TASOR2: variants seen among roughly 807,000 people sequenced by gnomAD.
The protein encoded by TASOR2 is protein TASOR 2.
A neutral mutation model predicts 199.5 loss-of-function variants in TASOR2; 84 were observed. That is an observed-to-expected ratio of 0.42 (90% CI 0.35 to 0.50). The LOEUF (loss-of-function observed/expected upper bound fraction) is 0.50, where lower values mean the gene tolerates loss of function less well. Among genes scored for constraint, TASOR2 ranks in the 20% least tolerant of loss-of-function variants. The pLI is 0.02. For synonymous variants in TASOR2, 1,103 were observed against 1,046.6 expected (o/e 1.05, Z -1.04); for missense variants, 2,796 against 2,835.9 (o/e 0.99, Z 0.32).
chr10:5,748,542 C>G lies in TASOR2; in HGVS notation c.5121C>G (p.Thr1707=). The change falls in exon 15 of 21, where the codon ACC becomes ACG. Residue 1707 remains threonine, a synonymous_variant. Coordinates refer to ENST00000328090, the Ensembl canonical transcript of TASOR2. The surrounding 1 kb of genome is among the most constrained non-coding windows in gnomAD (Gnocchi z 5.1). ...CTGAAGCTGAGTTACATAAAGAAACCACAGGTCCAGGCACTGCTGGCCCTC... is the reference window on the plus strand; with the variant it reads ...CTGAAGCTGAGTTACATAAAGAAACGACAGGTCCAGGCACTGCTGGCCCTC... The G allele has an allele frequency of 6.2e-7, 1 of 1,613,478 alleles. No homozygotes were observed. Among genetic ancestry groups the G allele is most frequent in the Admixed American group, 1.7e-5 (1 of 60,028 alleles).
In TASOR2 at chr10:5,720,442, C is replaced by G. The variant is rs10752093; in HGVS notation, c.-99-102C>G. 1,423,139 of 1,423,510 alleles carry G rather than the reference C, an allele frequency of 1. 711,384 individuals are homozygous for G. Among genetic ancestry groups the G allele is most frequent in the East Asian group, 1 (39,804 of 39,804 alleles). The allele number at this position is 1,423,510 out of a possible 1,614,324, so 88.2% of individuals were successfully genotyped here. A position where few individuals can be genotyped will look rare whatever the true frequency, so the allele number is the denominator to read the frequency against. ...AGTAACACCCAAGATATATTTCTGA[C>G]TCTAATGTGTTAAATTTCAGGGCTC... On this transcript the variant is annotated intron_variant, in intron 3 of 20. Transcript: ENST00000328090. This position sits in a 1 kb window ranked among gnomAD's most constrained non-coding sequence, Gnocchi z 5.3.
intron 10 of TASOR2, among the ~76,000 whole-genome samples, chr10:5,728,856 T>C (rs1834403349): frequency 6.6e-6 from 1 of 152,174 alleles, no homozygotes; most frequent in African/African-American, 2.4e-5. Flanking sequence ...GTTGAACTTG[T>C]TCAGGGTCTA....
In TASOR2 at chr10:5,762,601, T is replaced by C. The variant is rs200606166; in HGVS notation, c.7244T>C (p.Ile2415Thr). The stretch of plus-strand genomic sequence containing the variant: ...CTTGTTACAGATGTAAATAACTTTA[T>C]AGAAAACATAGAAAAAATAGCAGCT... Residue 2415 changes from isoleucine to threonine, a missense_variant, in exon 20 of 21, where the codon ATA (isoleucine) becomes ACA (threonine). By Grantham distance (89) the Ile-to-Thr change is moderately conservative (BLOSUM62 -1). Transcript: ENST00000328090. The C allele has an allele frequency of 1.1e-4, 168 of 1,490,104 alleles. No individual in the cohort carries two copies. Among genetic ancestry groups the C allele is most frequent in the Non-Finnish European group, 1.3e-4 (143 of 1,092,954 alleles). The allele number at this position is 1,490,104 out of a possible 1,614,324, so 92.3% of individuals were successfully genotyped here.
rs906291107 is a variant in TASOR2 at position 5,689,557 on chromosome 10, G to T, written c.-288+4382G>T. ...AGAGGTTGCAGTGAGCAGAGATCAC[G>T]CCACTGCACTCCAGCCTGGGCGACA... On this transcript the variant is annotated intron_variant, in intron 1 of 20. Transcript: ENST00000328090. The surrounding 1 kb of genome is among the most constrained non-coding windows in gnomAD (Gnocchi z 4.1). 6.6e-6 allele frequency among the ~76,000 whole-genome samples: 1 copy of T among 151,988 alleles called. No homozygotes were observed. The highest frequency in any genetic ancestry group is 1.5e-5 in the Non-Finnish European group (1 of 67,970).
At chr10:5,724,405 A>G in intron 7 of TASOR2, 25 bp from the exon 9 acceptor site, 1 of 1,256,038 alleles carries the variant, frequency 8.0e-7, no homozygotes, top group East Asian at 2.8e-5. Context: ...AAAAATAAGA[A>G]ATGTTTTTCT....
chr10:5,740,406 ACT>A lies in TASOR2; in HGVS notation c.2237_2238del (p.Thr746IlefsTer4). 6.2e-7 allele frequency: 1 copy of A among 1,614,216 alleles called. No individual in the cohort carries two copies. The highest frequency in any genetic ancestry group is 1.1e-5 in the South Asian group (1 of 91,086). ...TAGCTGTGATGACTCCGTTAAGATCACTTTCAAATGTGAAACAGAATATGCAT... is the reference window on the plus strand; with the variant it reads ...TAGCTGTGATGACTCCGTTAAGATCATTCAAATGTGAAACAGAATATGCAT... On this transcript the variant is annotated frameshift_variant, in exon 13 of 21. Transcript: ENST00000328090. LOFTEE classifies it high-confidence loss of function. This position sits in a 1 kb window ranked among gnomAD's most constrained non-coding sequence, Gnocchi z 5.3.
intron 18 of TASOR2, 151 bp downstream of exon 19, chr10:5,759,143 A>G: frequency 1.6e-6 from 1 of 619,088 alleles, no homozygotes; most frequent in Non-Finnish European, 2.9e-6. Flanking sequence ...CAATGAAGGA[A>G]GCTATGTGCT....
At chr10:5,763,297 GCTT>G (rs1439260266) in exon 21 of TASOR2, 3 of 357,674 alleles carry the variant, frequency 8.4e-6, no homozygotes, top group African/African-American at 2.1e-5. Context: ...AAGCTATTGA[GCTT>G]ATTAAAAATA....
In TASOR2 at chr10:5,701,670, T is replaced by C. The variant is rs778098425; in HGVS notation, c.-287-11153T>C. Among the ~76,000 whole-genome samples the C allele has an allele frequency of 5.3e-5, 8 of 152,220 alleles. No individual in the cohort carries two copies. Among genetic ancestry groups the C allele is most frequent in the South Asian group, 2.1e-4 (1 of 4,836 alleles). ...TTTATAGTTTTTCTTGTATAGATCT[T>C]TCACTTCTTTGGCTAAATTGATTCC... On this transcript the variant is annotated intron_variant, in intron 1 of 20. Coordinates refer to ENST00000328090, the Ensembl canonical transcript of TASOR2. The surrounding 1 kb of genome is among the most constrained non-coding windows in gnomAD (Gnocchi z 4.9).
At chr10:5,716,073 C>T (rs374924601) in intron 2 of TASOR2, among the ~76,000 whole-genome samples, 5 of 152,172 alleles carry the variant, frequency 3.3e-5, no homozygotes, top group South Asian at 2.1e-4. Flanking sequence ...GGTTACTGTA[C>T]GGAATACTTC....
chr10:5,710,468 T>C lies in TASOR2; in HGVS notation c.-287-2355T>C, dbSNP rs891101966. On this transcript the variant is annotated intron_variant, in intron 1 of 20. Transcript: ENST00000328090. The surrounding 1 kb of genome is among the most constrained non-coding windows in gnomAD (Gnocchi z 4.6). Reference sequence around the variant, plus strand: ...TAATTTGGTACTTGTTCCTCCTCCTTCGTTTTAAATCATTGGCTTTATTTA... The same window carrying C: ...TAATTTGGTACTTGTTCCTCCTCCTCCGTTTTAAATCATTGGCTTTATTTA... Among the ~76,000 whole-genome samples, 2 of 152,088 alleles carry C rather than the reference T, an allele frequency of 1.3e-5. No homozygotes were observed. Among genetic ancestry groups the C allele is most frequent in the Non-Finnish European group, 2.9e-5 (2 of 67,932 alleles).
At chr10:5,729,103 C>A (rs1249640638) in intron 10 of TASOR2, among the ~76,000 whole-genome samples, 1 of 152,194 alleles carries the variant, frequency 6.6e-6, no homozygotes, top group Non-Finnish European at 1.5e-5. Context: ...AATCCCAGCA[C>A]TTTGGGAGGC....
In TASOR2 at chr10:5,752,083, C is replaced by G. The variant is rs7921582; in HGVS notation, c.6606+2056C>G. 1.3e-5 allele frequency among the ~76,000 whole-genome samples: 2 copies of G among 152,042 alleles called. No homozygotes were observed. Among genetic ancestry groups the G allele is most frequent in the East Asian group, 3.9e-4 (2 of 5,174 alleles). On this transcript the variant is annotated intron_variant, in intron 15 of 20. Transcript: ENST00000328090. The surrounding 1 kb of genome is among the most constrained non-coding windows in gnomAD (Gnocchi z 4.4). ...CTCCCGAAACTCCCTGACCTGAGCGCGGGCCAGCTGCCCTCCCCCTACCCT... is the reference window on the plus strand; with the variant it reads ...CTCCCGAAACTCCCTGACCTGAGCGGGGGCCAGCTGCCCTCCCCCTACCCT...
chr10:5,714,579 A>G (rs777343073), intron 2 of TASOR2: 5 of 160,054 alleles, frequency 3.1e-5, no homozygotes, highest in African/African-American at 9.5e-5. Flanking sequence ...AAAGAGGTAC[A>G]TAAGAAGAGA....
At position 5,687,508 on chromosome 10, in the gene TASOR2, C is replaced by T. The variant is rs968283932; in HGVS notation, c.-288+2333C>T. Among the ~76,000 whole-genome samples, 12 of 152,204 alleles carry T rather than the reference C, an allele frequency of 7.9e-5. No individual in the cohort carries two copies. Among genetic ancestry groups the T allele is most frequent in the African/African-American group, 2.9e-4 (12 of 41,454 alleles). On this transcript the variant is annotated intron_variant, in intron 1 of 20. Coordinates refer to ENST00000328090, the Ensembl canonical transcript of TASOR2. The surrounding 1 kb of genome is among the most constrained non-coding windows in gnomAD (Gnocchi z 4.8). Reference sequence around the variant, plus strand: ...AATTTAGAAACTTTATTCCCAGGACCCCTCTACACTTTTTAAGAACCATTG... The same window carrying T: ...AATTTAGAAACTTTATTCCCAGGACTCCTCTACACTTTTTAAGAACCATTG...
rs1051008001 is a variant in TASOR2 at position 5,699,421 on chromosome 10, G to A, written c.-287-13402G>A. 6.6e-6 allele frequency: 1 copy of A among 152,114 alleles called. No individual in the cohort carries two copies. Among genetic ancestry groups the A allele is most frequent in the Admixed American group, 6.5e-5 (1 of 15,270 alleles). 9.4% of individuals were successfully genotyped at this position (152,114 alleles called of 1,614,324 possible). ...GTGGTGAAGGTTGCACAATTCTGTG[G>A]ATATACTAAGCACAATTCTGTGGAT... On this transcript the variant is annotated intron_variant, in intron 1 of 20. Transcript: ENST00000328090. This position sits in a 1 kb window ranked among gnomAD's most constrained non-coding sequence, Gnocchi z 4.1.
At chr10:5,760,118 A>G (rs986000545) in intron 18 of TASOR2, among the ~76,000 whole-genome samples, 2 of 152,222 alleles carry the variant, frequency 1.3e-5, no homozygotes, top group African/African-American at 4.8e-5. Context: ...TACTTACACA[A>G]ACTGATATGG....
At chr10:5,736,345 G>C (rs573487163) in intron 12 of TASOR2, among the ~76,000 whole-genome samples, 4 of 152,048 alleles carry the variant, frequency 2.6e-5, no homozygotes, top group African/African-American at 9.7e-5. Flanking sequence ...TTGAACCTGG[G>C]GGGCAGAGGT....
chr10:5,697,776 C>A (rs1564254107), intron 1 of TASOR2, among the ~76,000 whole-genome samples: 1 of 152,198 alleles, frequency 6.6e-6, no homozygotes, highest in Non-Finnish European at 1.5e-5. Context: ...CACCCTGAAT[C>A]TTCTGATAAC....
Sources: allele counts gnomAD v4.1 joint callset (sites outside exome capture counted in the v4.1 genomes callset), GRCh38; gene constraint gnomAD v4.1.1; non-coding constraint Gnocchi (gnomAD v3.1); transcripts MANE v1.5; gene names NCBI Gene and HGNC (gene_info 2026-07-23, HGNC 2026-07-21).